GLIS3: variants seen among roughly 807,000 people sequenced by gnomAD.
GLIS3 encodes zinc finger protein GLIS3.
In GLIS3, 53 loss-of-function variants were observed where a neutral mutation model predicts 78.6. That is an observed-to-expected ratio of 0.67 (90% confidence interval 0.54 to 0.85). The LOEUF (loss-of-function observed/expected upper bound fraction) is 0.85, where lower values mean the gene tolerates loss of function less well. Among genes scored for constraint, GLIS3 ranks in the 40% least tolerant of loss-of-function variants. The pLI, the probability that GLIS3 is intolerant of heterozygous loss-of-function variation, is 0.00. For missense variants in GLIS3, 1,703 were observed against 1,231.1 expected, an observed-to-expected ratio of 1.38 and a Z score of -5.74; for synonymous variants, 684 against 509.9, an observed-to-expected ratio of 1.34 and a Z score of -4.60.
At chr9:3,887,514 C>T (rs1014428039) in intron 7 of GLIS3, among the ~76,000 whole-genome samples, 2 of 152,206 alleles carry the variant, frequency 1.3e-5, no homozygotes, top group Non-Finnish European at 2.9e-5. Context: ...GATGTCTGGA[C>T]AGCTACATGA....
chr9:3,852,340 TAC>T (rs1387335772), intron 9 of GLIS3, among the ~76,000 whole-genome samples: 1 of 152,160 alleles, frequency 6.6e-6, no homozygotes, highest in African/African-American at 2.4e-5. Context: ...TGGGGGTGAC[TAC>T]ACTCATTAAA....
At chr9:3,930,246 T>C (rs1825529118) in intron 6 of GLIS3, among the ~76,000 whole-genome samples, 1 of 152,172 alleles carries the variant, frequency 6.6e-6, no homozygotes, top group Non-Finnish European at 1.5e-5. Context: ...AACAAGTCAA[T>C]GAAATCCAAT....
At chr9:4,394,923 C>G in the GLIS3 span, among the ~76,000 whole-genome samples, 1 of 152,210 alleles carries the variant, frequency 6.6e-6, no homozygotes, top group Non-Finnish European at 1.5e-5. Flanking sequence ...AATTAGCTAT[C>G]TAATCCATCT....
intron 2 of GLIS3, among the ~76,000 whole-genome samples, chr9:4,338,248 G>C (rs1025599804): frequency 6.6e-6 from 1 of 152,040 alleles, no homozygotes. Flanking sequence ...TTTCCTTTAA[G>C]CTTAGCTTGT....
chr9:4,093,130 T>A (rs1321227107), intron 4 of GLIS3, among the ~76,000 whole-genome samples: 2 of 152,046 alleles, frequency 1.3e-5, no homozygotes, highest in Non-Finnish European at 1.5e-5. Context: ...CATTTACAGA[T>A]GAGAAAAATG....
At chr9:3,953,709 G>C (rs1816848605) in intron 4 of GLIS3, among the ~76,000 whole-genome samples, 1 of 134,640 alleles carries the variant, frequency 7.4e-6, no homozygotes, top group South Asian at 2.3e-4. Flanking sequence ...TCTTTTGTTA[G>C]TACTTGCTGT....
intron 2 of GLIS3, among the ~76,000 whole-genome samples, chr9:4,194,449 TA>T (rs1343432965): frequency 2.0e-5 from 3 of 152,336 alleles, no homozygotes; most frequent in East Asian, 3.9e-4. Context: ...ATAAATGTCA[TA>T]AATTATTTAA....
Position 4,062,164 on chromosome 9 carries a change from AAGG to A in GLIS3, c.1710+55601_1710+55603del, listed in dbSNP as rs748426850. ...AAAGGACTGTGCGTTCTTTGACGCA[AAGG>A]AGCTCAACAAATGCACAGTCATATT... On this transcript the variant is annotated intron_variant, in intron 4 of 10. Transcript: ENST00000381971. Among the ~76,000 whole-genome samples the A allele has an allele frequency of 4.6e-5, 7 of 152,356 alleles. No homozygotes were observed. The South Asian group carries it at 1.0e-3, about 23-fold the overall frequency.
intron 2 of GLIS3, among the ~76,000 whole-genome samples, chr9:4,200,178 G>C (rs1444136159): frequency 6.6e-6 from 1 of 152,096 alleles, no homozygotes; most frequent in African/African-American, 2.4e-5. Flanking sequence ...AGTTTTTAGT[G>C]CTAAACACCT....
chr9:4,058,289 G>A (rs1321755066), intron 4 of GLIS3, among the ~76,000 whole-genome samples: 1 of 150,666 alleles, frequency 6.6e-6, no homozygotes, highest in Non-Finnish European at 1.5e-5. Context: ...TAACAACTAT[G>A]AACCACACAT....
the GLIS3 span, among the ~76,000 whole-genome samples, chr9:4,387,129 G>A: frequency 6.6e-6 from 1 of 152,156 alleles, no homozygotes; most frequent in Non-Finnish European, 1.5e-5. Flanking sequence ...GGATACCTAC[G>A]CTGTCAGAAA....
At chr9:4,205,638 T>A (rs1343864983) in intron 2 of GLIS3, among the ~76,000 whole-genome samples, 1 of 152,082 alleles carries the variant, frequency 6.6e-6, no homozygotes, top group African/African-American at 2.4e-5. Context: ...GTGGGGAGAA[T>A]CCAGGTCCTT....
chr9:4,384,506 C>G, the GLIS3 span, among the ~76,000 whole-genome samples: 1 of 148,852 alleles, frequency 6.7e-6, no homozygotes, highest in Admixed American at 6.7e-5. Flanking sequence ...CTCTTTCCCT[C>G]CCTTCCTTCC....
intron 7 of GLIS3, among the ~76,000 whole-genome samples, chr9:3,897,063 G>A (rs1032749519): frequency 1.3e-5 from 2 of 152,106 alleles, no homozygotes; most frequent in African/African-American, 4.8e-5. Flanking sequence ...CAAGACAAAT[G>A]TGACAGTTTC....
At chr9:4,475,399 C>T in the GLIS3 span, among the ~76,000 whole-genome samples, 1 of 152,070 alleles carries the variant, frequency 6.6e-6, no homozygotes. Context: ...TTCCAGAGAG[C>T]TTGTTGGCAA....
chr9:4,143,335 G>A (rs1833951986), intron 2 of GLIS3, among the ~76,000 whole-genome samples: 2 of 152,068 alleles, frequency 1.3e-5, no homozygotes, highest in South Asian at 2.1e-4. Flanking sequence ...GGGAGGCTGA[G>A]GCGGGCAGAT....
intron 2 of GLIS3, among the ~76,000 whole-genome samples, chr9:4,341,389 A>T (rs796398661): frequency 4.5e-4 from 69 of 152,324 alleles, no homozygotes; most frequent in African/African-American, 1.4e-3. Context: ...CTTCTTCTCC[A>T]GGCTGATGTG....
the GLIS3 span, among the ~76,000 whole-genome samples, chr9:4,378,555 T>G: frequency 6.6e-6 from 1 of 152,200 alleles, no homozygotes; most frequent in Non-Finnish European, 1.5e-5. Context: ...GCACCTGTAT[T>G]TTCTCTGGCA....
chr9:4,069,169 G>C (rs1827374348), intron 4 of GLIS3, among the ~76,000 whole-genome samples: 1 of 152,194 alleles, frequency 6.6e-6, no homozygotes, highest in African/African-American at 2.4e-5. Flanking sequence ...CTGCCGAGCA[G>C]AGGAGATTTC....
Sources: allele counts gnomAD v4.1 joint callset (sites outside exome capture counted in the v4.1 genomes callset), GRCh38; gene constraint gnomAD v4.1.1; transcripts MANE v1.5; gene names NCBI Gene and HGNC (gene_info 2026-07-23, HGNC 2026-07-21).